UNC79: variants seen among roughly 807,000 people sequenced by gnomAD.
The protein encoded by UNC79 is unc-79 subunit of NALCN channel complex.
A neutral mutation model predicts 283.1 loss-of-function variants in UNC79; 37 were observed. The observed-to-expected ratio is 0.13, with a 90% confidence interval of 0.10 to 0.17. UNC79 has a LOEUF of 0.17. Among genes scored for constraint, UNC79 ranks in the 10% least tolerant of loss-of-function variants. The pLI is 1.00. For missense variants in UNC79, 2,272 were observed against 3,211.1 expected (o/e 0.71, Z 7.07); for synonymous variants, 1,107 against 1,200.2 (o/e 0.92, Z 1.61).
At chr14:93,366,180 T>G (rs1352724425) in intron 1 of UNC79, among the ~76,000 whole-genome samples, 1 of 152,226 alleles carries the variant, frequency 6.6e-6, no homozygotes, top group African/African-American at 2.4e-5. Flanking sequence ...TGCAAGGCCT[T>G]AAGGTTTCCC....
intron 47 of UNC79, among the ~76,000 whole-genome samples, chr14:93,700,339 C>G (rs1176353711): frequency 1.3e-5 from 2 of 152,092 alleles, no homozygotes; most frequent in Admixed American, 1.3e-4. Flanking sequence ...AAATATCAGC[C>G]ATTGTTTCTT....
At chr14:93,554,282 A>C (rs938353174) in intron 14 of UNC79, among the ~76,000 whole-genome samples, 1 of 149,238 alleles carries the variant, frequency 6.7e-6, no homozygotes, top group Non-Finnish European at 1.5e-5. Context: ...CAGGAGGCGG[A>C]GGTTGCAGTG....
chr14:93,493,874 C>CATATATATATATAT (rs140201851), intron 5 of UNC79, among the ~76,000 whole-genome samples: 4 of 76,692 alleles, frequency 5.2e-5, no homozygotes, highest in African/African-American at 1.1e-4. Context: ...GGAAGTGCCA[C>CATATATATATATAT]ATATATATAT....
intron 1 of UNC79, among the ~76,000 whole-genome samples, chr14:93,439,367 A>G (rs1009635843): frequency 6.6e-6 from 1 of 152,050 alleles, no homozygotes; most frequent in South Asian, 2.1e-4. Context: ...GTATCTGTCA[A>G]TTCTTATTTT....
intron 4 of UNC79, among the ~76,000 whole-genome samples, chr14:93,481,667 A>G (rs1005286988): frequency 2.6e-5 from 4 of 152,164 alleles, no homozygotes; most frequent in African/African-American, 4.8e-5. Flanking sequence ...CAATTGCGTG[A>G]CTTACCATTT....
At chr14:93,553,474 A>G (rs2061999902) in intron 14 of UNC79, among the ~76,000 whole-genome samples, 1 of 152,184 alleles carries the variant, frequency 6.6e-6, no homozygotes, top group African/African-American at 2.4e-5. Context: ...ACCTGCATCC[A>G]AGAGTATCCA....
intron 1 of UNC79, chr14:93,464,566 C>T (rs767063008): frequency 1.5e-5 from 7 of 456,104 alleles, no homozygotes; most frequent in Middle Eastern, 3.2e-4. Flanking sequence ...GAATTCTAAG[C>T]GCCACAAAAT....
intron 1 of UNC79, among the ~76,000 whole-genome samples, chr14:93,394,748 G>A (rs184334918): frequency 6.6e-6 from 1 of 152,224 alleles, no homozygotes; most frequent in East Asian, 1.9e-4. Context: ...GTCTCATTCT[G>A]TCACCCAGGC....
chr14:93,463,623 T>C (rs906334329), intron 1 of UNC79, among the ~76,000 whole-genome samples: 4 of 152,200 alleles, frequency 2.6e-5, no homozygotes, highest in Non-Finnish European at 5.9e-5. Flanking sequence ...AAGGAGCTGC[T>C]AGTAGGTTTT....
intron 40 of UNC79, among the ~76,000 whole-genome samples, chr14:93,668,548 AC>A (rs61319025): frequency 0.095 from 14,457 of 151,408 alleles, 1,342 homozygotes; most frequent in African/African-American, 0.25. Context: ...CCATCTCTAT[AC>A]AAAAAAAAAA....
chr14:93,334,721 C>T (rs979101839), intron 1 of UNC79: 4 of 152,234 alleles, frequency 2.6e-5, no homozygotes, highest in Admixed American at 2.0e-4. Flanking sequence ...GGATTCTAAA[C>T]ACCGTATTGA....
At chr14:93,542,775 A>T (rs2061432966) in intron 14 of UNC79, 79 bp downstream of exon 14, 1 of 1,390,558 alleles carries the variant, frequency 7.2e-7, no homozygotes, top group African/African-American at 1.4e-5. Flanking sequence ...TGTGGGTATT[A>T]TCAGTGTCTG....
intron 1 of UNC79, among the ~76,000 whole-genome samples, chr14:93,438,663 C>CTTT (rs61646513): frequency 7.1e-6 from 1 of 141,706 alleles, no homozygotes; most frequent in African/African-American, 2.6e-5. Context: ...CTTTTACGTT[C>CTTT]TTTTTTTTTT....
intron 31 of UNC79, among the ~76,000 whole-genome samples, chr14:93,631,456 C>T (rs1263899204): frequency 2.0e-5 from 3 of 152,132 alleles, no homozygotes; most frequent in Non-Finnish European, 4.4e-5. Context: ...AAACTGGCTT[C>T]TGTTACTGGG....
Position 93,634,642 on chromosome 14 carries a change from G to C in UNC79, c.5717-2574G>C, listed in dbSNP as rs2068353301. The C allele has an allele frequency of 6.2e-7, 1 of 1,612,316 alleles. No homozygotes were observed. Among genetic ancestry groups the C allele is most frequent in the African/African-American group, 1.3e-5 (1 of 74,880 alleles). The stretch of plus-strand genomic sequence containing the variant: ...ACATCAGCAACTGGGACACTGGTGG[G>C]TCAAGCTTTTTCTTCTCATTCTACC... On this transcript the variant is annotated intron_variant, in intron 31 of 48. Coordinates refer to ENST00000555664, the Ensembl canonical transcript of UNC79.
intron 1 of UNC79, among the ~76,000 whole-genome samples, chr14:93,384,699 A>C (rs1027618716): frequency 6.6e-6 from 1 of 152,074 alleles, no homozygotes; most frequent in Admixed American, 6.6e-5. Flanking sequence ...GAAGCTTTTT[A>C]ACTTGATGTG....
At chr14:93,613,690 A>C (rs1393500517) in intron 27 of UNC79, among the ~76,000 whole-genome samples, 1 of 152,194 alleles carries the variant, frequency 6.6e-6, no homozygotes, top group African/African-American at 2.4e-5. Flanking sequence ...CTGGGATTAC[A>C]GGCGTGAGCC....
chr14:93,580,405 A>G lies in UNC79; in HGVS notation c.2661+29A>G, dbSNP rs2063725939. On this transcript the variant is annotated intron_variant, in intron 19 of 48. Transcript: ENST00000555664. ...AGCAGTTGAAGAAACGAGATGACCC[A>G]TGTATAATAGCATTAAAGACTGCAG... 3.1e-6 allele frequency: 5 copies of G among 1,601,442 alleles called. No homozygotes were observed. In the Admixed American group the frequency reaches 5.1e-5, roughly 16 times the overall value.
At chr14:93,571,862 C>A (rs1459610089) in intron 14 of UNC79, 32 bp from the exon 15 acceptor site, 1 of 1,612,446 alleles carries the variant, frequency 6.2e-7, no homozygotes, top group African/African-American at 1.3e-5. Context: ...GTGTTTCATT[C>A]TTTTCCCCTG....
Sources: gnomAD v4.1 joint callset for allele counts (sites outside exome capture counted in the v4.1 genomes callset) on GRCh38, gnomAD v4.1.1 for gene constraint, MANE v1.5 for transcripts, NCBI Gene and HGNC (gene_info 2026-07-23, HGNC 2026-07-21) for gene names.